The following KAZN variants were observed in gnomAD, a reference collection of about 807,000 sequenced individuals.
KAZN encodes the protein kazrin, periplakin interacting protein, also known as kazrin.
Under a neutral mutation model 87.4 loss-of-function variants are expected in KAZN, and 40 were observed. That is an observed-to-expected ratio of 0.46 (90% CI 0.36 to 0.60). KAZN has a LOEUF of 0.60. Among genes scored for constraint, KAZN ranks in the 20% least tolerant of loss-of-function variants. KAZN has a pLI of 0.00. For missense variants in KAZN, 898 were observed against 1,073.9 expected (o/e 0.84, Z 2.29); for synonymous variants, 466 against 458.3 (o/e 1.02, Z -0.22).
intron 2 of KAZN, among the ~76,000 whole-genome samples, chr1:15,008,070 C>A (rs1052563715): frequency 1.3e-5 from 2 of 152,324 alleles, no homozygotes; most frequent in Non-Finnish European, 2.9e-5. Context: ...GCCTTGAGGC[C>A]TGCTGAGGCT....
intron 2 of KAZN, among the ~76,000 whole-genome samples, chr1:14,465,224 C>T (rs1351664485): frequency 6.6e-6 from 1 of 151,510 alleles, no homozygotes; most frequent in African/African-American, 2.4e-5. Context: ...ATGGTGAAAC[C>T]CCATCTCTAC....
At chr1:14,317,265 T>C (rs12566371) in intron 2 of KAZN, among the ~76,000 whole-genome samples, 12,745 of 152,008 alleles carry the variant, frequency 0.084, 726 homozygotes, top group East Asian at 0.23. Flanking sequence ...CCTATATCAT[T>C]GTACAATATT....
chr1:13,904,069 G>A (rs1639346130), intron 1 of KAZN, among the ~76,000 whole-genome samples: 2 of 152,304 alleles, frequency 1.3e-5, no homozygotes, highest in South Asian at 4.1e-4. Context: ...TGGAGACTGA[G>A]GCAGGGTCTA....
At chr1:14,877,193 G>C (rs1453936418) in intron 1 of KAZN, among the ~76,000 whole-genome samples, 4 of 152,094 alleles carry the variant, frequency 2.6e-5, no homozygotes, top group African/African-American at 7.2e-5. Context: ...CCAATCTCGT[G>C]GCTCTGTCTC....
At chr1:14,549,693 G>A (rs1208696893) in intron 2 of KAZN, among the ~76,000 whole-genome samples, 2 of 20,462 alleles carry the variant, frequency 9.8e-5, no homozygotes, top group Non-Finnish European at 2.1e-4. Flanking sequence ...CCCCACCTCC[G>A]CCCCCTGCCA....
intron 1 of KAZN, among the ~76,000 whole-genome samples, chr1:14,731,023 T>C (rs1288196887): frequency 6.6e-6 from 1 of 152,210 alleles, no homozygotes; most frequent in Non-Finnish European, 1.5e-5. Flanking sequence ...GCTATTGTTC[T>C]GTTTGCTTTC....
At chr1:14,317,029 A>G (rs1448079546) in intron 2 of KAZN, among the ~76,000 whole-genome samples, 1 of 152,004 alleles carries the variant, frequency 6.6e-6, no homozygotes, top group African/African-American at 2.4e-5. Context: ...GAAGTAGTCT[A>G]TAAATGTCAC....
intron 2 of KAZN, among the ~76,000 whole-genome samples, chr1:14,218,072 G>A (rs1399311828): frequency 1.3e-5 from 2 of 152,022 alleles, no homozygotes; most frequent in Admixed American, 6.6e-5. Flanking sequence ...TTAACATACA[G>A]CTTGATACTG....
intron 1 of KAZN, among the ~76,000 whole-genome samples, chr1:14,845,339 G>A (rs1380977871): frequency 6.7e-6 from 1 of 149,692 alleles, no homozygotes; most frequent in Non-Finnish European, 1.5e-5. Flanking sequence ...ACGGATGGAT[G>A]GATAGGTGAA....
intron 1 of KAZN, among the ~76,000 whole-genome samples, chr1:14,034,254 T>G (rs1026180942): frequency 1.3e-5 from 2 of 152,142 alleles, no homozygotes; most frequent in African/African-American, 4.8e-5. Context: ...AATTTAGATG[T>G]AGGAGGATAC....
At position 14,384,663 on chromosome 1, in the gene KAZN, A is replaced by G. The variant is rs191638796; in HGVS notation, c.249+204071A>G. 1.8e-3 allele frequency among the ~76,000 whole-genome samples: 278 copies of G among 152,208 alleles called. No homozygotes were observed. The South Asian group carries it at 0.02, about 11-fold the overall frequency. The stretch of plus-strand genomic sequence containing the variant: ...AACCAGCCTTGCATCCCAGGGATGA[A>G]GCCCACTTGATCATGGTGGATAAGC... On this transcript the variant is annotated intron_variant, in intron 2 of 16. Transcript: ENST00000636203.
chr1:14,921,362 A>G lies in KAZN; in HGVS notation c.227-39322A>G, dbSNP rs564675319. On this transcript the variant is annotated intron_variant, in intron 1 of 14. Transcript: ENST00000376030. ...GCGGTGAAATGGTCCCTGGTGGCCA[A>G]TGGGCTACATAAAGACTTTTAGATA... Among the ~76,000 whole-genome samples, 48 of 152,320 alleles carry G rather than the reference A, an allele frequency of 3.2e-4. No homozygotes were observed. The South Asian group carries it at 9.7e-3, about 31-fold the overall frequency.
At chr1:14,591,058 T>C (rs1038935795) in intron 2 of KAZN, among the ~76,000 whole-genome samples, 1 of 152,210 alleles carries the variant, frequency 6.6e-6, no homozygotes, top group South Asian at 2.1e-4. Flanking sequence ...AATGGGAAAT[T>C]AGAGCAGATT....
At position 15,038,897 on chromosome 1, in the gene KAZN, A is replaced by C. The variant is rs10927647; in HGVS notation, c.555+4012A>C. ...CCTACTGTATACAGACATGAATGTG[A>C]TATTACCAGTAGCAGATGTTTATTG... On this transcript the variant is annotated intron_variant, in intron 3 of 14. Coordinates refer to ENST00000376030, the MANE Select transcript of KAZN (RefSeq NM_201628.3). Among the ~76,000 whole-genome samples the C allele has an allele frequency of 7.7e-3, 665 of 86,804 alleles. 7 individuals are homozygous for C. Among genetic ancestry groups the C allele is most frequent in the African/African-American group, 0.025 (501 of 19,782 alleles). 56.9% of individuals were successfully genotyped at this position (86,804 alleles called of 152,430 possible). A position where few individuals can be genotyped will look rare whatever the true frequency, so the allele number is the denominator to read the frequency against.
At chr1:14,216,377 C>A (rs1393011764) in intron 2 of KAZN, among the ~76,000 whole-genome samples, 2 of 152,136 alleles carry the variant, frequency 1.3e-5, no homozygotes, top group African/African-American at 4.8e-5. Flanking sequence ...AAACTTCCTT[C>A]CAGGGTAGTC....
chr1:15,026,063 C>T (rs540846695), intron 2 of KAZN, among the ~76,000 whole-genome samples: 15 of 152,292 alleles, frequency 9.8e-5, no homozygotes, highest in African/African-American at 3.1e-4. Context: ...ATCCCAGGAC[C>T]ATAAATTTGT....
intron 2 of KAZN, among the ~76,000 whole-genome samples, chr1:14,364,671 G>C (rs1037036669): frequency 1.3e-5 from 2 of 152,170 alleles, no homozygotes; most frequent in Non-Finnish European, 2.9e-5. Context: ...CACAAACTGG[G>C]TGACTTAAAA....
chr1:14,888,932 G>C (rs1654411174), intron 1 of KAZN, among the ~76,000 whole-genome samples: 1 of 152,110 alleles, frequency 6.6e-6, no homozygotes, highest in Admixed American at 6.5e-5. Context: ...CCAATCTTTT[G>C]GCTCCCCTAG....
intron 2 of KAZN, among the ~76,000 whole-genome samples, chr1:14,187,246 G>A (rs1314844827): frequency 2.6e-5 from 4 of 152,092 alleles, no homozygotes; most frequent in Non-Finnish European, 5.9e-5. Context: ...AAGGGGGTAT[G>A]TAATTTTGGG....
Sources: gnomAD v4.1 joint callset for allele counts (sites outside exome capture counted in the v4.1 genomes callset) on GRCh38, gnomAD v4.1.1 for gene constraint, MANE v1.5 for transcripts, NCBI Gene and HGNC (gene_info 2026-07-23, HGNC 2026-07-21) for gene names.